The following AP4S1 variants were observed in gnomAD, a reference collection of about 807,000 sequenced individuals.
AP4S1 encodes the protein adaptor related protein complex 4 subunit sigma 1.
AP4S1 carries 23 observed loss-of-function variants against 19.8 expected under a neutral mutation model. That is an observed-to-expected ratio of 1.16 (90% CI 0.84 to 1.65). AP4S1 has a LOEUF of 1.65. AP4S1 is among the 40% of genes most tolerant of loss of function. AP4S1 has a pLI of 0.00. For missense variants in AP4S1, 166 were observed against 172.8 expected (o/e 0.96, Z 0.22); for synonymous variants, 46 against 54.1 (o/e 0.85, Z 0.66).
At chr14:31,073,313 A>T in intron 4 of AP4S1, 2 of 230,564 alleles carry the variant, frequency 8.7e-6, no homozygotes, top group Non-Finnish European at 1.7e-5. Flanking sequence ...ATACGGTGAA[A>T]CCCCGTCTCT....
intron 1 of AP4S1, among the ~76,000 whole-genome samples, chr14:31,057,508 C>A (rs1014203969): frequency 2.6e-5 from 4 of 152,202 alleles, no homozygotes; most frequent in Non-Finnish European, 5.9e-5. Context: ...ATGTGTACTT[C>A]GTTCAGCCTC....
chr14:31,077,739 CTT>C (rs71112379), intron 4 of AP4S1, among the ~76,000 whole-genome samples: 9 of 135,196 alleles, frequency 6.7e-5, no homozygotes, highest in Non-Finnish European at 7.9e-5. Context: ...TTTCTTTTTT[CTT>C]TTTTTTTTTT....
chr14:31,046,845 CAAAAAAA>C (rs577536911), intron 1 of AP4S1, among the ~76,000 whole-genome samples: 1 of 61,120 alleles, frequency 1.6e-5, no homozygotes, highest in East Asian at 5.1e-4. Flanking sequence ...GACTCCGTCT[CAAAAAAA>C]AAAAAAAAAA....
At chr14:31,041,153 TA>T (rs1885088746) in intron 1 of AP4S1, among the ~76,000 whole-genome samples, 1 of 152,086 alleles carries the variant, frequency 6.6e-6, no homozygotes, top group African/African-American at 2.4e-5. Flanking sequence ...TTTGTTTGTT[TA>T]TTTTTTTGTT....
At chr14:31,049,425 AAAAATAT>A (rs1295954818) in intron 1 of AP4S1, among the ~76,000 whole-genome samples, 3 of 42,684 alleles carry the variant, frequency 7.0e-5, no homozygotes, top group Non-Finnish European at 1.2e-4. Flanking sequence ...AAAAAAAAAA[AAAAATAT>A]ATATATATAT....
chr14:31,065,184 TGTGA>T (rs1886646651), intron 1 of AP4S1, among the ~76,000 whole-genome samples: 1 of 152,226 alleles, frequency 6.6e-6, no homozygotes, highest in Non-Finnish European at 1.5e-5. Context: ...TTATATCATA[TGTGA>T]GTAGCTTAAT....
At chr14:31,036,003 T>C (rs561279465) in intron 1 of AP4S1, among the ~76,000 whole-genome samples, 7 of 152,266 alleles carry the variant, frequency 4.6e-5, no homozygotes, top group East Asian at 1.9e-4. Flanking sequence ...GTGCTGGGAT[T>C]ACAGGCGTGA....
At chr14:31,034,322 T>G (rs1884588906) in intron 1 of AP4S1, among the ~76,000 whole-genome samples, 1 of 152,196 alleles carries the variant, frequency 6.6e-6, no homozygotes. Flanking sequence ...GACAATTATC[T>G]TAACAAAAAA....
chr14:31,039,559 T>C (rs993713535), intron 1 of AP4S1, among the ~76,000 whole-genome samples: 13 of 148,090 alleles, frequency 8.8e-5, no homozygotes, highest in Non-Finnish European at 1.8e-4. Flanking sequence ...TTAAATACAA[T>C]AGGTGTAGTT....
In AP4S1 at chr14:31,068,812, C is replaced by CT. The variant is rs560270049; in HGVS notation, c.139-1021dup. Among the ~76,000 whole-genome samples the CT allele has an allele frequency of 4.0e-3, 594 of 147,926 alleles. 4 individuals carry two copies. Among genetic ancestry groups the CT allele is most frequent in the Middle Eastern group, 0.017 (5 of 292 alleles). On this transcript the variant is annotated intron_variant, in intron 2 of 5. Transcript: ENST00000542754. The stretch of plus-strand genomic sequence containing the variant: ...TTTTATCCATAGAGGTGCTTTGATA[C>CT]TTTTTTTTTTAATGTCAGAAACTCC...
chr14:31,069,824 C>T lies in AP4S1; in HGVS notation c.139-19C>T. Reference sequence around the variant, plus strand: ...CTCTCTCAGCCACAGGAATTAATATCTCATTGTGTTTTGTCTAGTGCTCTT... The same window carrying T: ...CTCTCTCAGCCACAGGAATTAATATTTCATTGTGTTTTGTCTAGTGCTCTT... On this transcript the variant is annotated intron_variant, in intron 2 of 5. Transcript: ENST00000542754. 1.3e-6 allele frequency: 2 copies of T among 1,571,894 alleles called. No individual in the cohort carries two copies. The highest frequency in any genetic ancestry group is 2.7e-5 in the African/African-American group (2 of 74,078).
At chr14:31,080,680 G>A in intron 5 of AP4S1, 96 bp downstream of exon 5, 4 of 1,552,328 alleles carry the variant, frequency 2.6e-6, no homozygotes, top group Non-Finnish European at 3.6e-6. Flanking sequence ...ATTCAGCAGA[G>A]TCCAGAGTGT....
At chr14:31,046,845 C>CAAAAAA (rs577536911) in intron 1 of AP4S1, among the ~76,000 whole-genome samples, 1 of 61,082 alleles carries the variant, frequency 1.6e-5, no homozygotes, top group Non-Finnish European at 3.7e-5. Context: ...GACTCCGTCT[C>CAAAAAA]AAAAAAAAAA....
intron 5 of AP4S1, among the ~76,000 whole-genome samples, chr14:31,080,845 A>T (rs1179167837): frequency 1.4e-4 from 22 of 152,068 alleles, no homozygotes; most frequent in Admixed American, 1.4e-3. Context: ...GCAATGGTGT[A>T]ATCTCTGCTC....
chr14:31,066,478 A>G, intron 2 of AP4S1, 144 bp downstream of exon 2: 1 of 1,166,036 alleles, frequency 8.6e-7, no homozygotes, highest in South Asian at 1.3e-5. Context: ...GAAATGAAAA[A>G]CTGAAAGAAG....
Position 31,066,355 on chromosome 14 carries a change from T to C in AP4S1, c.138+21T>C, listed in dbSNP as rs370792756. On this transcript the variant is annotated intron_variant, in intron 2 of 5. Transcript: ENST00000542754. ...AACAAGTAAGTCTCTGGTTCTCTCTTTTATCTCTGCATTCAACTCAGCCTT... is the reference window on the plus strand; with the variant it reads ...AACAAGTAAGTCTCTGGTTCTCTCTCTTATCTCTGCATTCAACTCAGCCTT... The C allele has an allele frequency of 1.5e-4, 248 of 1,613,782 alleles. 6 individuals carry two copies. In the South Asian group the frequency reaches 1.9e-3, roughly 13 times the overall value.
chr14:31,090,741 G>A (rs1459167762), intron 5 of AP4S1, among the ~76,000 whole-genome samples: 1 of 152,252 alleles, frequency 6.6e-6, no homozygotes, highest in Non-Finnish European at 1.5e-5. Flanking sequence ...CCTCACCAGG[G>A]TGTACAAGTT....
intron 1 of AP4S1, among the ~76,000 whole-genome samples, chr14:31,029,876 C>T (rs8010967): frequency 0.061 from 9,280 of 151,950 alleles, 490 homozygotes; most frequent in East Asian, 0.21. Flanking sequence ...ATACTCAGCT[C>T]AAGCATTATT....
intron 1 of AP4S1, among the ~76,000 whole-genome samples, chr14:31,037,139 T>C (rs1884825700): frequency 6.6e-6 from 1 of 151,924 alleles, no homozygotes. Context: ...CCTCCACTTC[T>C]GCCAGGACAT....
Sources: allele counts gnomAD v4.1 joint callset (sites outside exome capture counted in the v4.1 genomes callset), GRCh38; gene constraint gnomAD v4.1.1; transcripts MANE v1.5; gene names NCBI Gene and HGNC (gene_info 2026-07-23, HGNC 2026-07-21).